Variants in JADE3 observed in about 807,000 individuals in gnomAD.
JADE3 encodes protein Jade-3.
JADE3 carries 2 observed loss-of-function variants against 50.1 expected under a neutral mutation model. The observed-to-expected ratio is 0.04, with a 90% CI of 0.02 to 0.13. The LOEUF is 0.13. JADE3 is among the 10% of genes least tolerant of loss of function. The pLI is 1.00. For missense variants in JADE3, 475 were observed against 634.4 expected (o/e 0.75, Z 2.70); for synonymous variants, 218 against 232.9 (o/e 0.94, Z 0.58).
At chrX:46,947,577 C>T (rs952784720) in intron 1 of JADE3, among the ~76,000 whole-genome samples, 13 of 111,650 alleles carry the variant, frequency 1.2e-4, no homozygotes, top group African/African-American at 4.2e-4. Context: ...TGAAGTCAGA[C>T]GTAACTGTTT....
In JADE3 at chrX:46,923,554, A is replaced by G. The variant is rs145615200; in HGVS notation, c.-12+10835A>G. Among the ~76,000 whole-genome samples, 328 of 105,393 alleles carry G rather than the reference A, an allele frequency of 3.1e-3. 3 individuals carry two copies. Among genetic ancestry groups the G allele is most frequent in the East Asian group, 0.026 (89 of 3,391 alleles). 91.5% of individuals were successfully genotyped at this position (105,393 alleles called of 115,157 possible). A position where few individuals can be genotyped will look rare whatever the true frequency, so the allele number is the denominator to read the frequency against. On this transcript the variant is annotated intron_variant, in intron 1 of 10. Coordinates refer to ENST00000614628, the MANE Select transcript of JADE3 (RefSeq NM_014735.5). The stretch of plus-strand genomic sequence containing the variant: ...AGCCTCCTGAGTATCTGGGACCACA[A>G]GTGCATGCTACCATGCCCAGCTAAT...
chrX:47,026,045 GC>G (rs1928902929), intron 5 of JADE3, among the ~76,000 whole-genome samples: 1 of 111,221 alleles, frequency 9.0e-6, no homozygotes, highest in African/African-American at 3.3e-5. Flanking sequence ...TTCTTGCTCT[GC>G]CCCCTAAGAG....
chrX:46,967,063 T>C (rs1556349223), intron 1 of JADE3, among the ~76,000 whole-genome samples: 1 of 112,394 alleles, frequency 8.9e-6, no homozygotes, highest in African/African-American at 3.2e-5. Flanking sequence ...CTGTGTTCAA[T>C]TCCTAACAGT....
chrX:46,938,118 G>A (rs1184271384), intron 1 of JADE3, among the ~76,000 whole-genome samples: 1 of 112,054 alleles, frequency 8.9e-6, no homozygotes, highest in Non-Finnish European at 1.9e-5. Context: ...GTTGGGTCAT[G>A]TTTTAAAAAT....
chrX:46,982,848 G>A (rs1322335163), intron 1 of JADE3, among the ~76,000 whole-genome samples: 1 of 110,400 alleles, frequency 9.1e-6, no homozygotes, highest in Admixed American at 9.6e-5. Flanking sequence ...GTTTTTTTGA[G>A]ATGGAGTTTC....
At chrX:47,037,679 C>T (rs115513938) in intron 7 of JADE3, among the ~76,000 whole-genome samples, 1 of 111,849 alleles carries the variant, frequency 8.9e-6, no homozygotes, top group Non-Finnish European at 1.9e-5. Context: ...TATATATTTA[C>T]GGGATGCATG....
chrX:46,937,707 G>A (rs78744567), intron 1 of JADE3, among the ~76,000 whole-genome samples: 4 of 112,062 alleles, frequency 3.6e-5, no homozygotes, highest in Non-Finnish European at 7.5e-5. Flanking sequence ...TTGGCCAGGC[G>A]TGGTGGCTCA....
intron 10 of JADE3, among the ~76,000 whole-genome samples, chrX:47,056,864 A>G (rs782019820): frequency 3.6e-5 from 4 of 112,017 alleles, no homozygotes; most frequent in African/African-American, 1.3e-4. Context: ...CACAGAGGTC[A>G]ATGGCAGAGC....
At chrX:47,002,970 T>C (rs951486753) in intron 4 of JADE3, among the ~76,000 whole-genome samples, 8 of 111,625 alleles carry the variant, frequency 7.2e-5, no homozygotes, top group Non-Finnish European at 1.5e-4. Flanking sequence ...TTGAGGAAGT[T>C]CACCTCTACT....
At chrX:46,915,952 C>G (rs1556336235) in intron 1 of JADE3, among the ~76,000 whole-genome samples, 2 of 111,394 alleles carry the variant, frequency 1.8e-5, no homozygotes, top group African/African-American at 6.5e-5. Context: ...TAATCTTTGC[C>G]AAAACCCAGG....
Position 46,913,099 on chromosome X carries a change from C to T in JADE3, c.-12+380C>T, listed in dbSNP as rs544948887. Among the ~76,000 whole-genome samples the T allele has an allele frequency of 6.2e-5, 7 of 112,402 alleles. No individual in the cohort carries two copies. In the South Asian group the frequency reaches 1.8e-3, roughly 29 times the overall value. The stretch of plus-strand genomic sequence containing the variant: ...CTCCGGTGCCCCCTCCTGGCGCCCC[C>T]TCCTCCGTTCCTGCCCTTTGCCTGG... On this transcript the variant is annotated intron_variant, in intron 1 of 10. Coordinates refer to ENST00000614628, the MANE Select transcript of JADE3 (RefSeq NM_014735.5).
chrX:47,027,540 G>C (rs1324368185), intron 5 of JADE3, among the ~76,000 whole-genome samples: 1 of 111,743 alleles, frequency 8.9e-6, no homozygotes, highest in Non-Finnish European at 1.9e-5. Flanking sequence ...ATCGTGTCCA[G>C]AATTATAAAG....
At chrX:46,943,123 A>G in intron 1 of JADE3, among the ~76,000 whole-genome samples, 1 of 112,531 alleles carries the variant, frequency 8.9e-6, no homozygotes, top group Non-Finnish European at 1.9e-5. Context: ...GGTTTTCTAG[A>G]CATAAGATCA....
intron 4 of JADE3, among the ~76,000 whole-genome samples, chrX:47,002,767 T>C (rs1044065100): frequency 1.1e-4 from 12 of 111,123 alleles, no homozygotes. Flanking sequence ...ATTTCTTCCT[T>C]TCCAATCTGT....
chrX:47,023,739 C>G (rs931463003), intron 4 of JADE3, among the ~76,000 whole-genome samples: 4 of 111,522 alleles, frequency 3.6e-5, no homozygotes, highest in African/African-American at 1.3e-4. Flanking sequence ...AACCCCTTCT[C>G]TACTAAAAAT....
Position 47,061,143 on chromosome X carries a change from C to T in JADE3, c.*2066C>T, listed in dbSNP as rs1362698203. 1 of 111,558 alleles carries T rather than the reference C, an allele frequency of 9.0e-6. No homozygotes were observed. Among genetic ancestry groups the T allele is most frequent in the Non-Finnish European group, 1.9e-5 (1 of 53,001 alleles). 9.2% of individuals were successfully genotyped at this position (111,558 alleles called of 1,213,427 possible). On this transcript the variant is annotated 3_prime_UTR_variant, in exon 11 of 11. Coordinates refer to ENST00000614628, the MANE Select transcript of JADE3 (RefSeq NM_014735.5). ...CTTAACCTTCTTTGTTAATTTTTTT[C>T]ATTTTGTCTTATATAGTCCAGTTTT...
At chrX:46,964,328 A>T (rs73630246) in intron 1 of JADE3, among the ~76,000 whole-genome samples, 6,626 of 111,869 alleles carry the variant, frequency 0.059, 472 homozygotes, top group African/African-American at 0.2. Context: ...ACAATAGAGT[A>T]TGAGACTTCT....
At chrX:47,010,693 C>T (rs782313728) in intron 4 of JADE3, among the ~76,000 whole-genome samples, 59 of 111,039 alleles carry the variant, frequency 5.3e-4, no homozygotes, top group African/African-American at 1.9e-3. Context: ...AGTCATTCTC[C>T]GCTTCCCCCA....
At chrX:47,000,708 A>G (rs1293871298) in intron 4 of JADE3, among the ~76,000 whole-genome samples, 2 of 110,462 alleles carry the variant, frequency 1.8e-5, no homozygotes, top group African/African-American at 6.6e-5. Context: ...ATGTGCCACC[A>G]TGCCTGGATA....
Sources: allele counts gnomAD v4.1 joint callset (sites outside exome capture counted in the v4.1 genomes callset), GRCh38; gene constraint gnomAD v4.1.1; transcripts MANE v1.5; gene names NCBI Gene and HGNC (gene_info 2026-07-23, HGNC 2026-07-21).